The following SPDYE18 variants were observed in gnomAD, a reference collection of about 807,000 sequenced individuals.
The protein encoded by SPDYE18 is speedy protein E18.
Under a neutral mutation model 44.9 loss-of-function variants are expected in SPDYE18, and 6 were observed. The ratio of observed to expected loss-of-function variants is 0.13; its 90% confidence interval spans 0.07 to 0.26. SPDYE18 has a LOEUF of 0.26. Ranked by LOEUF, SPDYE18 falls within the 10% of genes least tolerant of loss-of-function variation. The pLI, the probability that SPDYE18 is intolerant of heterozygous loss-of-function variation, is 1.00. For synonymous variants in SPDYE18, 35 were observed against 177.1 expected (o/e 0.20, Z 6.37); for missense variants, 121 against 463.2 (o/e 0.26, Z 6.78).
chr7:77,053,540 T>C (rs1307731044), intron 6 of SPDYE18, among the ~76,000 whole-genome samples: 1 of 152,234 alleles, frequency 6.6e-6, no homozygotes, highest in Non-Finnish European at 1.5e-5. Flanking sequence ...CTCGTCTCTA[T>C]TAAAAATATA....
rs1363700306 is a variant in SPDYE18 at position 77,051,334 on chromosome 7, GAACAGC to G, written c.*585_*590del. 4.6e-5 allele frequency among the ~76,000 whole-genome samples: 7 copies of G among 152,348 alleles called. No individual in the cohort carries two copies. The South Asian group carries it at 1.2e-3, about 27-fold the overall frequency. On this transcript the variant is annotated 3_prime_UTR_variant, in exon 9 of 9. Coordinates refer to ENST00000510091, the MANE Select transcript of SPDYE18 (RefSeq NM_001394953.1). ...TATAACTCTCATCAAAAAACTACAG[GAACAGC>G]ATGTTTTCAAAAGTACAACAATTTC...
intron 3 of SPDYE18, among the ~76,000 whole-genome samples, chr7:77,058,685 T>G (rs1789970858): frequency 6.7e-6 from 1 of 148,604 alleles, no homozygotes; most frequent in Non-Finnish European, 1.5e-5. Flanking sequence ...TTAGTATAAA[T>G]GAGGTTTCGC....
chr7:77,057,443 G>A (rs55754425), intron 4 of SPDYE18, among the ~76,000 whole-genome samples, 194 bp downstream of exon 4: 7 of 150,190 alleles, frequency 4.7e-5, no homozygotes, highest in Admixed American at 4.0e-4. Context: ...TATCCCAAGC[G>A]CTGACCTTTA....
intron 1 of SPDYE18, among the ~76,000 whole-genome samples, 80 bp from the exon 2 acceptor site, chr7:77,061,013 T>TGTACAAGAGTGAGATTATCAC (rs1562795126): frequency 4.6e-5 from 5 of 109,542 alleles, no homozygotes; most frequent in Non-Finnish European, 9.6e-5. Context: ...GAGATTATCA[T>TGTACAAGAGTGAGATTATCAC]GTACAAGAGT....
intron 6 of SPDYE18, among the ~76,000 whole-genome samples, chr7:77,053,953 T>A (rs1789868904): frequency 6.7e-6 from 1 of 148,508 alleles, no homozygotes; most frequent in South Asian, 2.2e-4. Flanking sequence ...GAGGCTGCAG[T>A]GAGCTATGAT....
At position 77,053,002 on chromosome 7, in the gene SPDYE18, G is replaced by C; in HGVS notation, c.957C>G (p.Ser319=). 6.2e-7 allele frequency: 1 copy of C among 1,613,000 alleles called. No homozygotes were observed. The highest frequency in any genetic ancestry group is 8.5e-7 in the Non-Finnish European group (1 of 1,179,322). The part of the protein sequence containing the change: ...FQKLRFQFFC[S]MSGRAWVSRE... ...GGGAAACCCAAGCCCTGCCGCTCAT[G>C]GAACAGAAGAACTGGAACCGAAGTT... is the stretch of plus-strand genomic sequence containing the variant. The change falls in exon 7 of 9, where the codon TCC becomes TCG. Residue 319 remains serine, a synonymous_variant. Transcript: ENST00000510091.
rs538103281 is a variant in SPDYE18, at chr7:77,057,125, C to G, written c.610+512G>C. On this transcript the variant is annotated intron_variant, in intron 4 of 8. Coordinates refer to ENST00000510091, the MANE Select transcript of SPDYE18 (RefSeq NM_001394953.1). ...ATTTATTTTGAGACAGAGTCTTGCT[C>G]TGTGGGCCAGGCTGGAATGCAGTGG... 2.8e-3 allele frequency among the ~76,000 whole-genome samples: 421 copies of G among 152,310 alleles called. 1 individual carries two copies. The highest frequency in any genetic ancestry group is 9.6e-3 in the African/African-American group (400 of 41,524).
At position 77,053,198 on chromosome 7, in the gene SPDYE18, A is replaced by G. The variant is rs1789846393; in HGVS notation, c.761T>C (p.Leu254Pro). ...QRIHFFLALY[L>P]ANDMEEDDED... ...GTCGTCCTCCTCCATGTCATTGGCC[A>G]GGTAGCTGAGGACAGAAATCAGGTT... Residue 254 changes from leucine (L) to proline (P), a missense_variant, in exon 7 of 9, where the codon CTG (leucine) becomes CCG (proline). Leu to Pro is a moderately conservative substitution (Grantham distance 98). Coordinates refer to ENST00000510091, the MANE Select transcript of SPDYE18 (RefSeq NM_001394953.1). 1 of 1,613,170 alleles carries G rather than the reference A, an allele frequency of 6.2e-7. No individual in the cohort carries two copies. The highest frequency in any genetic ancestry group is 8.5e-7 in the Non-Finnish European group (1 of 1,180,004).
chr7:77,052,480 A>G (rs1321768084), intron 8 of SPDYE18, among the ~76,000 whole-genome samples: 1 of 152,056 alleles, frequency 6.6e-6, no homozygotes, highest in African/African-American at 2.4e-5. Context: ...TGTCGCCCAG[A>G]CTGGAGTGCA....
At chr7:77,053,547 T>C (rs1320468349) in intron 6 of SPDYE18, among the ~76,000 whole-genome samples, 1 of 152,210 alleles carries the variant, frequency 6.6e-6, no homozygotes, top group African/African-American at 2.4e-5. Flanking sequence ...CTATTAAAAA[T>C]ATAAGAAATA....
intron 6 of SPDYE18, among the ~76,000 whole-genome samples, 176 bp from the exon 7 acceptor site, chr7:77,053,379 C>T (rs1390866562): frequency 1.6e-4 from 25 of 152,202 alleles, no homozygotes; most frequent in Admixed American, 2.0e-4. Context: ...TGATCAAGGG[C>T]GTCTCCCACT....
chr7:77,060,249 G>A (rs1328710676), intron 2 of SPDYE18, 104 bp downstream of exon 2: 73 of 1,500,520 alleles, frequency 4.9e-5, no homozygotes, highest in East Asian at 2.7e-4. Context: ...CGCCCGCCTC[G>A]GCCTCCCAAA....
At chr7:77,054,756 T>A (rs1789887606) in intron 6 of SPDYE18, among the ~76,000 whole-genome samples, 1 of 140,102 alleles carries the variant, frequency 7.1e-6, no homozygotes, top group Non-Finnish European at 1.6e-5. Flanking sequence ...GGCATTGGAG[T>A]TTGTTTTTTT....
At position 77,062,539 on chromosome 7, in the gene SPDYE18, G is replaced by C. The variant is rs1250352073; in HGVS notation, c.-465C>G. 6.6e-6 allele frequency among the ~76,000 whole-genome samples: 1 copy of C among 152,112 alleles called. No individual in the cohort carries two copies. The highest frequency in any genetic ancestry group is 1.9e-4 in the East Asian group (1 of 5,190). On this transcript the variant is annotated 5_prime_UTR_variant, in exon 1 of 9. Coordinates refer to ENST00000510091, the MANE Select transcript of SPDYE18 (RefSeq NM_001394953.1). Reference sequence around the variant, plus strand: ...CACAAAGTCCTGGGCCCAGATCTGGGGTCTGTCTCTGCTGAGGGTGGGGTG... The same window carrying C: ...CACAAAGTCCTGGGCCCAGATCTGGCGTCTGTCTCTGCTGAGGGTGGGGTG...
rs1453202345 is a variant in SPDYE18, at chr7:77,050,505, T to C, written c.*1420A>G. 1.3e-5 allele frequency among the ~76,000 whole-genome samples: 2 copies of C among 152,248 alleles called. No individual in the cohort carries two copies. Among genetic ancestry groups the C allele is most frequent in the Non-Finnish European group, 2.9e-5 (2 of 68,046 alleles). On this transcript the variant is annotated 3_prime_UTR_variant, in exon 9 of 9. Coordinates refer to ENST00000510091, the MANE Select transcript of SPDYE18 (RefSeq NM_001394953.1). ...ATGTCCTCCTTTAGAACACACATCC[T>C]CTTTAAAGTAACATACAAAGATGCC...
At chr7:77,052,385 C>T (rs1315101096) in intron 8 of SPDYE18, among the ~76,000 whole-genome samples, 7 of 152,100 alleles carry the variant, frequency 4.6e-5, no homozygotes, top group Non-Finnish European at 7.3e-5. Flanking sequence ...AACCCTCGAC[C>T]CAAATCGGTA....
At chr7:77,059,770 C>G (rs1424611429) in intron 2 of SPDYE18, among the ~76,000 whole-genome samples, 2 of 147,800 alleles carry the variant, frequency 1.4e-5, no homozygotes, top group Non-Finnish European at 3.0e-5. Context: ...CTGCCTCAGC[C>G]TCTCAGGTAG....
chr7:77,054,500 G>A (rs375916438), intron 6 of SPDYE18, among the ~76,000 whole-genome samples: 2 of 148,828 alleles, frequency 1.3e-5, no homozygotes, highest in African/African-American at 2.4e-5. Flanking sequence ...GACTCCAGGA[G>A]ACCCCAGCAG....
In SPDYE18 at chr7:77,051,567, C is replaced by T. The variant is rs866695396; in HGVS notation, c.*358G>A. 1.3e-5 allele frequency among the ~76,000 whole-genome samples: 2 copies of T among 152,288 alleles called. No homozygotes were observed. Among genetic ancestry groups the T allele is most frequent in the Non-Finnish European group, 2.9e-5 (2 of 68,052 alleles). On this transcript the variant is annotated 3_prime_UTR_variant, in exon 9 of 9. Transcript: ENST00000510091. ...GCAACCAAGTCTGTAAGAAACAGGA[C>T]CTCCAGGTTCCGGCCCAGGGAGGTT... is the stretch of plus-strand genomic sequence containing the variant.
Sources: gnomAD v4.1 joint callset for allele counts (sites outside exome capture counted in the v4.1 genomes callset) on GRCh38, gnomAD v4.1.1 for gene constraint, MANE v1.5 for transcripts, NCBI Gene and HGNC (gene_info 2026-07-23, HGNC 2026-07-21) for gene names.